Variants in ZNF487 observed in about 807,000 individuals in gnomAD.
The protein encoded by ZNF487 is KRAB domain only 1.
In ZNF487, 4 loss-of-function variants were observed where a neutral mutation model predicts 3.0. That is an observed-to-expected ratio of 1.35 (90% CI 0.66 to 3.08). The LOEUF (loss-of-function observed/expected upper bound fraction) is 3.08. Ranked by LOEUF, ZNF487 falls within the 30% of genes most tolerant of loss-of-function variation. ZNF487 has a pLI of 0.01. For synonymous variants in ZNF487, 55 were observed against 34.6 expected (o/e 1.59, Z -2.06); for missense variants, 146 against 98.7 (o/e 1.48, Z -2.03).
intron 1 of ZNF487, among the ~76,000 whole-genome samples, chr10:43,440,434 A>G (rs1241802998): frequency 6.6e-6 from 1 of 151,920 alleles, no homozygotes; most frequent in African/African-American, 2.4e-5. Context: ...AAGTGGTAGG[A>G]TCACCTGAGA....
the ZNF487 span, among the ~76,000 whole-genome samples, chr10:43,498,092 TATA>T: frequency 9.4e-5 from 2 of 21,246 alleles, no homozygotes; most frequent in African/African-American, 4.0e-4. Context: ...TATATATATA[TATA>T]TATATTTTTT....
intron 1 of ZNF487, among the ~76,000 whole-genome samples, chr10:43,447,049 C>T (rs1055233567): frequency 4.6e-5 from 7 of 151,776 alleles, no homozygotes; most frequent in South Asian, 2.1e-4. Context: ...ACCAGTCAGG[C>T]GTGGCAGCGT....
chr10:43,444,393 A>G (rs572762227), intron 1 of ZNF487, among the ~76,000 whole-genome samples: 17 of 152,144 alleles, frequency 1.1e-4, no homozygotes, highest in African/African-American at 4.1e-4. Context: ...TATCATGTTT[A>G]TTTATATATA....
At chr10:43,447,336 G>T (rs1027341459) in intron 1 of ZNF487, among the ~76,000 whole-genome samples, 1 of 151,856 alleles carries the variant, frequency 6.6e-6, no homozygotes, top group Non-Finnish European at 1.5e-5. Context: ...TCCACCTCAC[G>T]GATTCAAGTG....
chr10:43,449,604 C>T (rs1180851410), intron 1 of ZNF487, among the ~76,000 whole-genome samples: 1 of 151,560 alleles, frequency 6.6e-6, no homozygotes, highest in Non-Finnish European at 1.5e-5. Context: ...TTTTGTAATG[C>T]TTCAACATGC....
chr10:43,500,195 A>G, the ZNF487 span, among the ~76,000 whole-genome samples: 1 of 151,892 alleles, frequency 6.6e-6, no homozygotes, highest in Non-Finnish European at 1.5e-5. Flanking sequence ...ATTTTTTTAG[A>G]GGCAAGGTCT....
the ZNF487 span, among the ~76,000 whole-genome samples, chr10:43,516,308 G>A: frequency 2.0e-5 from 3 of 152,164 alleles, no homozygotes; most frequent in Non-Finnish European, 4.4e-5. Context: ...TAGAAGTAGA[G>A]TCCTTGGCAT....
At chr10:43,468,816 C>T (rs531743324) in intron 1 of ZNF487, among the ~76,000 whole-genome samples, 2 of 150,724 alleles carry the variant, frequency 1.3e-5, no homozygotes, top group Admixed American at 6.6e-5. Context: ...GGTGAAACCC[C>T]GTCTCTACTA....
At chr10:43,522,069 C>T in the ZNF487 span, among the ~76,000 whole-genome samples, 1 of 152,208 alleles carries the variant, frequency 6.6e-6, no homozygotes, top group Non-Finnish European at 1.5e-5. Flanking sequence ...CATACCTGAT[C>T]TTGTTTCCAT....
At chr10:43,498,115 T>A in the ZNF487 span, among the ~76,000 whole-genome samples, 1,991 of 7,832 alleles carry the variant, frequency 0.25, 146 homozygotes, top group Non-Finnish European at 0.33. Flanking sequence ...TTTTTTTTTC[T>A]TTTTTTTTTT....
chr10:43,461,925 A>C (rs541697480), intron 1 of ZNF487, among the ~76,000 whole-genome samples: 1 of 152,194 alleles, frequency 6.6e-6, no homozygotes, highest in Non-Finnish European at 1.5e-5. Context: ...GGGCAAAGCT[A>C]TGTCTCACAC....
chr10:43,476,802 T>C (rs780926531), intron 3 of ZNF487, among the ~76,000 whole-genome samples: 3 of 151,860 alleles, frequency 2.0e-5, no homozygotes, highest in Non-Finnish European at 4.4e-5. Flanking sequence ...AGTCAAGGGG[T>C]GATGGGGAGC....
At chr10:43,498,877 G>A in the ZNF487 span, among the ~76,000 whole-genome samples, 1 of 151,334 alleles carries the variant, frequency 6.6e-6, no homozygotes, top group African/African-American at 2.4e-5. Flanking sequence ...GGGAGGTGGA[G>A]CTTGTAGTGA....
intron 1 of ZNF487, among the ~76,000 whole-genome samples, chr10:43,444,142 C>T (rs1208233639): frequency 2.0e-5 from 3 of 152,120 alleles, no homozygotes; most frequent in Non-Finnish European, 2.9e-5. Flanking sequence ...CGTGAGCCAC[C>T]GCGCCCGGCT....
chr10:43,502,960 G>C, the ZNF487 span, among the ~76,000 whole-genome samples: 1 of 147,786 alleles, frequency 6.8e-6, no homozygotes, highest in African/African-American at 2.5e-5. Context: ...GAGCCTGGGA[G>C]TCAAGGCTGC....
At chr10:43,441,959 G>A (rs1225357878) in intron 1 of ZNF487, among the ~76,000 whole-genome samples, 1 of 152,134 alleles carries the variant, frequency 6.6e-6, no homozygotes, top group Non-Finnish European at 1.5e-5. Context: ...GGCCATGTAG[G>A]CTTATGCCTG....
chr10:43,455,609 G>A (rs1165912465), intron 1 of ZNF487, among the ~76,000 whole-genome samples: 1 of 152,138 alleles, frequency 6.6e-6, no homozygotes, highest in African/African-American at 2.4e-5. Context: ...GACGGGAAAC[G>A]GCCCCTCTAG....
chr10:43,496,667 G>A, the ZNF487 span, among the ~76,000 whole-genome samples: 49 of 152,098 alleles, frequency 3.2e-4, no homozygotes, highest in African/African-American at 1.1e-3. Flanking sequence ...ACAAACAACT[G>A]AAATTTATTT....
In ZNF487 at chr10:43,473,010, C is replaced by T. The variant is rs532513291; in HGVS notation, c.-93-2711C>T. On this transcript the variant is annotated intron_variant, in intron 1 of 3. Transcript: ENST00000437590. ...GCAGTGAGCCATGTTTGTGCCACTGCACTCCAGTCTGTGTGACAAAGCGAG... is the reference window on the plus strand; with the variant it reads ...GCAGTGAGCCATGTTTGTGCCACTGTACTCCAGTCTGTGTGACAAAGCGAG... Among the ~76,000 whole-genome samples, 5 of 137,916 alleles carry T rather than the reference C, an allele frequency of 3.6e-5. No homozygotes were observed. In the East Asian group the frequency reaches 6.4e-4, roughly 18 times the overall value. 90.5% of individuals were successfully genotyped at this position (137,916 alleles called of 152,430 possible).
Sources: gnomAD v4.1 joint callset for allele counts (sites outside exome capture counted in the v4.1 genomes callset) on GRCh38, gnomAD v4.1.1 for gene constraint, MANE v1.5 for transcripts, NCBI Gene and HGNC (gene_info 2026-07-23, HGNC 2026-07-21) for gene names.